The following PDK4 variants were observed in gnomAD, a reference collection of about 807,000 sequenced individuals.
PDK4 encodes pyruvate dehydrogenase kinase 4, also known as pyruvate dehydrogenase kinase, isozyme 4.
Under a neutral mutation model 51.7 loss-of-function variants are expected in PDK4, and 43 were observed. That is an observed-to-expected ratio of 0.83 (90% CI 0.65 to 1.07). PDK4 has a LOEUF of 1.07. Ranked by LOEUF, PDK4 falls within the 50% of genes least tolerant of loss-of-function variation. The pLI, the probability that PDK4 is intolerant of heterozygous loss-of-function variation, is 0.00. For synonymous variants in PDK4, 170 were observed against 176.6 expected (o/e 0.96, Z 0.30); for missense variants, 498 against 503.5 (o/e 0.99, Z 0.10).
In PDK4 at chr7:95,593,788, T is replaced by C; in HGVS notation, c.273-18A>G. On this transcript the variant is annotated intron_variant, in intron 2 of 10. Transcript: ENST00000005178. ...GTATATACCTGTAAAGAAACAGGTA[T>C]GCTTTAAGTTTTAAAATTAATAGTC... 8.1e-7 allele frequency: 1 copy of C among 1,235,776 alleles called. No homozygotes were observed. The highest frequency in any genetic ancestry group is 1.2e-6 in the Non-Finnish European group (1 of 857,302). The allele number at this position is 1,235,776 out of a possible 1,614,324, so 76.6% of individuals were successfully genotyped here.
chr7:95,596,066 T>G, intron 1 of PDK4, 98 bp downstream of exon 1: 1 of 1,297,976 alleles, frequency 7.7e-7, no homozygotes, highest in Non-Finnish European at 1.0e-6. Context: ...TGAACCCCAG[T>G]TGTTTTAGCT....
chr7:95,586,257 C>T (rs575103303), intron 10 of PDK4, among the ~76,000 whole-genome samples: 5 of 135,260 alleles, frequency 3.7e-5, no homozygotes, highest in South Asian at 4.8e-4. Flanking sequence ...TGCAGGGGCA[C>T]GATCTCAGCT....
In PDK4 at chr7:95,584,058, A is replaced by G. The variant is rs2116707443; in HGVS notation, c.*1583T>C. On this transcript the variant is annotated 3_prime_UTR_variant, in exon 11 of 11. Coordinates refer to ENST00000005178, the MANE Select transcript of PDK4 (RefSeq NM_002612.4). ...AAATTACACACAAATGTCAAATTCA[A>G]CATATAAACCATACTGATTATTTTA... 6.6e-6 allele frequency: 1 copy of G among 152,314 alleles called. No homozygotes were observed. The highest frequency in any genetic ancestry group is 2.1e-4 in the South Asian group (1 of 4,822). The allele number at this position is 152,314 out of a possible 1,614,324, so 9.4% of individuals were successfully genotyped here.
intron 6 of PDK4, among the ~76,000 whole-genome samples, chr7:95,590,484 C>A (rs148442451): frequency 6.6e-5 from 10 of 152,136 alleles, no homozygotes; most frequent in Non-Finnish European, 1.2e-4. Context: ...TATTCTTCAG[C>A]GTTCCAGGCC....
chr7:95,587,351 T>A, intron 9 of PDK4, 67 bp downstream of exon 9: 1 of 968,042 alleles, frequency 1.0e-6, no homozygotes, highest in South Asian at 1.3e-5. Context: ...AAATAATCCC[T>A]TGCAATCCTT....
At chr7:95,586,724 A>G in intron 10 of PDK4, 1 of 263,796 alleles carries the variant, frequency 3.8e-6, no homozygotes, top group Non-Finnish European at 7.1e-6. Flanking sequence ...GTTGCCTTAA[A>G]AAATTCACAT....
intron 4 of PDK4, 57 bp from the exon 5 acceptor site, chr7:95,592,654 A>T: frequency 7.2e-7 from 1 of 1,387,498 alleles, no homozygotes; most frequent in Non-Finnish European, 1.0e-6. Context: ...AATGATTAGT[A>T]CTATCACTGA....
Position 95,583,940 on chromosome 7 carries a change from C to CA in PDK4, c.*1700_*1701insT, listed in dbSNP as rs1791446431. 1 of 152,232 alleles carries CA rather than the reference C, an allele frequency of 6.6e-6. No individual in the cohort carries two copies. Among genetic ancestry groups the CA allele is most frequent in the Non-Finnish European group, 1.5e-5 (1 of 68,004 alleles). 9.4% of individuals were successfully genotyped at this position (152,232 alleles called of 1,614,324 possible). On this transcript the variant is annotated 3_prime_UTR_variant, in exon 11 of 11. Coordinates refer to ENST00000005178, the MANE Select transcript of PDK4 (RefSeq NM_002612.4). ...TCCCACCATTAAGAAATGTCACTGT[C>CA]TAGGACTTCTGATGATAAAAACTGA...
chr7:95,585,815 A>C, intron 10 of PDK4, 34 bp from the exon 11 acceptor site: 1 of 1,568,656 alleles, frequency 6.4e-7, no homozygotes, highest in Non-Finnish European at 8.7e-7. Context: ...ATGAGACCAA[A>C]GAAATTATGC....
intron 10 of PDK4, 53 bp downstream of exon 10, chr7:95,586,957 A>G: frequency 9.8e-7 from 1 of 1,019,568 alleles, no homozygotes; most frequent in Non-Finnish European, 1.5e-6. Flanking sequence ...TCAAGGCTAT[A>G]AAAGGAGCAA....
At position 95,596,304 on chromosome 7, in the gene PDK4, AC is replaced by A; in HGVS notation, c.-12del. ...GCGGGCCGCCTTCATCTTGACGCCCACCCGGCCTGGCGGGGACTGTGGCTGG... is the reference window on the plus strand; with the variant it reads ...GCGGGCCGCCTTCATCTTGACGCCCACCGGCCTGGCGGGGACTGTGGCTGG... On this transcript the variant is annotated 5_prime_UTR_variant, in exon 1 of 11. Coordinates refer to ENST00000005178, the MANE Select transcript of PDK4 (RefSeq NM_002612.4). 1 of 1,563,226 alleles carries A rather than the reference AC, an allele frequency of 6.4e-7. No homozygotes were observed. The highest frequency in any genetic ancestry group is 1.4e-5 in the African/African-American group (1 of 72,160).
At chr7:95,589,922 T>G (rs1235487889) in intron 6 of PDK4, among the ~76,000 whole-genome samples, 2 of 152,152 alleles carry the variant, frequency 1.3e-5, no homozygotes, top group East Asian at 3.9e-4. Flanking sequence ...TGCTACATAA[T>G]GCTCTTTTGT....
At chr7:95,588,476 A>G (rs1037971702) in intron 7 of PDK4, among the ~76,000 whole-genome samples, 2 of 152,194 alleles carry the variant, frequency 1.3e-5, no homozygotes, top group Admixed American at 1.3e-4. Context: ...TCTCATACAG[A>G]TACAGTCTTG....
At chr7:95,591,687 C>CAT (rs1791554245) in intron 6 of PDK4, among the ~76,000 whole-genome samples, 1 of 152,166 alleles carries the variant, frequency 6.6e-6, no homozygotes, top group Non-Finnish European at 1.5e-5. Flanking sequence ...CTTTATCCCT[C>CAT]ATATTCTATA....
chr7:95,585,782 C>A lies in PDK4; in HGVS notation c.1096-1G>T. On this transcript the variant is annotated splice_acceptor_variant, in intron 10 of 10. Transcript: ENST00000005178. LOFTEE classifies it high-confidence loss of function. ...TTTCTATAGACTCAGAAGACAAAGC[C>A]TAAAAGAAAAGGGGGGAAAAACATG... 1 of 1,574,334 alleles carries A rather than the reference C, an allele frequency of 6.4e-7. No homozygotes were observed. The highest frequency in any genetic ancestry group is 1.2e-5 in the South Asian group (1 of 86,270).
chr7:95,596,145 G>A lies in PDK4; in HGVS notation c.130+19C>T, dbSNP rs372830058. Reference sequence around the variant, plus strand: ...TCCCCAACCCTAGGACCCAGCTTGGGCCCTGTGTCCCCTCTCACCAAAGTC... The same window carrying A: ...TCCCCAACCCTAGGACCCAGCTTGGACCCTGTGTCCCCTCTCACCAAAGTC... On this transcript the variant is annotated intron_variant, in intron 1 of 10. Transcript: ENST00000005178. The A allele has an allele frequency of 2.5e-6, 4 of 1,595,004 alleles. No homozygotes were observed. Among genetic ancestry groups the A allele is most frequent in the Non-Finnish European group, 3.4e-6 (4 of 1,171,248 alleles).
In PDK4 at chr7:95,596,192, C is replaced by A; in HGVS notation, c.102G>T (p.Pro34=). The A allele has an allele frequency of 6.2e-7, 1 of 1,603,152 alleles. No individual in the cohort carries two copies. Among genetic ancestry groups the A allele is most frequent in the Non-Finnish European group, 8.5e-7 (1 of 1,175,168 alleles). The part of the protein sequence containing the change: ...VEHFSRYSPS[P]LSMKQLLDFG... ...AGTCCAGTAGCTGCTTCATGGACAG[C>A]GGGGACGGGCTGTAGCGCGAGAAAT... is the stretch of plus-strand genomic sequence containing the variant. Residue 34 remains proline (P), a synonymous_variant, in exon 1 of 11, where the codon CCG becomes CCT. Coordinates refer to ENST00000005178, the MANE Select transcript of PDK4 (RefSeq NM_002612.4).
rs577000902 is a variant in PDK4 at position 95,595,043 on chromosome 7, T to C, written c.252A>G (p.Ser84=). 4 of 1,611,758 alleles carry C rather than the reference T, an allele frequency of 2.5e-6. No homozygotes were observed. The East Asian group carries it at 6.7e-5, about 27-fold the overall frequency. ...CTTACCAGCTTTTAACCAATTGCAC[T>C]GAAGAGGTATTTACTAATTGGGTCG... is the stretch of plus-strand genomic sequence containing the variant. ...ILPTQLVNTS[S]VQLVKSWYIQ... The change falls in exon 2 of 11, where the codon TCA becomes TCG. Residue 84 remains serine (S), a synonymous_variant. Transcript: ENST00000005178.
rs1791571263 is a variant in PDK4 at position 95,592,962 on chromosome 7, T to C, written c.345-18A>G. On this transcript the variant is annotated intron_variant, in intron 3 of 10. Transcript: ENST00000005178. ...CTACAAAGCTAAGCCACAATATTTA[T>C]GGTTAGTAAAAGTTCAAATACGTTT... 1.3e-6 allele frequency: 2 copies of C among 1,533,466 alleles called. No individual in the cohort carries two copies. Among genetic ancestry groups the C allele is most frequent in the Non-Finnish European group, 1.8e-6 (2 of 1,132,406 alleles). The allele number at this position is 1,533,466 out of a possible 1,614,324, so 95.0% of individuals were successfully genotyped here. A position where few individuals can be genotyped will look rare whatever the true frequency, so the allele number is the denominator to read the frequency against.
Sources: gnomAD v4.1 joint callset for allele counts (sites outside exome capture counted in the v4.1 genomes callset) on GRCh38, gnomAD v4.1.1 for gene constraint, MANE v1.5 for transcripts, NCBI Gene and HGNC (gene_info 2026-07-23, HGNC 2026-07-21) for gene names.